The following NEDD9 variants were observed in gnomAD, a reference collection of about 807,000 sequenced individuals.
NEDD9 encodes the protein neural precursor cell expressed, developmentally down-regulated 9.
In NEDD9, 26 loss-of-function variants were observed where a neutral mutation model predicts 76.6. The ratio of observed to expected loss-of-function variants is 0.34; its 90% CI spans 0.25 to 0.47. The LOEUF (loss-of-function observed/expected upper bound fraction) is 0.47, where lower values mean the gene tolerates loss of function less well. Among genes scored for constraint, NEDD9 ranks in the 20% least tolerant of loss-of-function variants. NEDD9 has a pLI of 1.00. For synonymous variants in NEDD9, 392 were observed against 414.2 expected (o/e 0.95, Z 0.65); for missense variants, 937 against 1,058.5 (o/e 0.89, Z 1.59).
At chr6:11,313,174 T>A (rs892372802) in intron 2 of NEDD9, among the ~76,000 whole-genome samples, 1 of 151,980 alleles carries the variant, frequency 6.6e-6, no homozygotes, top group East Asian at 1.9e-4. Flanking sequence ...GGTAGATAGA[T>A]GAATATCTAG....
At position 11,268,994 on chromosome 6, in the gene NEDD9, C is replaced by T. The variant is rs141452545; in HGVS notation, c.12+36998G>A. Among the ~76,000 whole-genome samples, 5 of 152,240 alleles carry T rather than the reference C, an allele frequency of 3.3e-5. No homozygotes were observed. The South Asian group carries it at 6.2e-4, about 19-fold the overall frequency. On this transcript the variant is annotated intron_variant, in intron 3 of 3. Transcript: ENST00000397378. ...GTCAAGTATCTGAAATTTCTTATTA[C>T]GTAAAAGTGCTATTTTCCTCTCGTC... is the stretch of plus-strand genomic sequence containing the variant.
rs1018151323 is a variant in NEDD9 at position 11,324,453 on chromosome 6, C to G, written c.-153+10048G>C. 1.1e-4 allele frequency among the ~76,000 whole-genome samples: 17 copies of G among 152,300 alleles called. No homozygotes were observed. The South Asian group carries it at 2.9e-3, about 26-fold the overall frequency. ...CATTTTCATGCATGGTGCCACCCCA[C>G]GTGCAGGGCCAGCTTCATGGCACGT... On this transcript the variant is annotated intron_variant, in intron 2 of 3. Transcript: ENST00000397378.
At chr6:11,305,073 C>A in intron 3 of NEDD9, 1 of 1,284,680 alleles carries the variant, frequency 7.8e-7, no homozygotes, top group Non-Finnish European at 1.0e-6. Context: ...TACCTTGGAA[C>A]GTTTGCCCAG....
In NEDD9 at chr6:11,276,063, G is replaced by A. The variant is rs544696264; in HGVS notation, c.12+29929C>T. On this transcript the variant is annotated intron_variant, in intron 3 of 3. Transcript: ENST00000397378. ...TGATGGATCAATCTATAGTAAATTT[G>A]TGGAGATGTCATAAATTCAAAATTT... 2.0e-5 allele frequency among the ~76,000 whole-genome samples: 3 copies of A among 152,298 alleles called. No individual in the cohort carries two copies. The East Asian group carries it at 5.8e-4, about 29-fold the overall frequency.
chr6:11,380,617 G>A (rs538554444), intron 1 of NEDD9, among the ~76,000 whole-genome samples: 2 of 152,100 alleles, frequency 1.3e-5, no homozygotes, highest in African/African-American at 4.8e-5. Context: ...TGACTACTTC[G>A]GATACCCCTT....
At chr6:11,306,196 G>GA in intron 2 of NEDD9, 1 of 655,062 alleles carries the variant, frequency 1.5e-6, no homozygotes, top group South Asian at 2.0e-5. Context: ...GGTAAGATCT[G>GA]AAAAAAATTG....
intron 1 of NEDD9, among the ~76,000 whole-genome samples, chr6:11,345,381 G>C (rs1762345331): frequency 6.6e-6 from 1 of 152,180 alleles, no homozygotes; most frequent in Admixed American, 6.5e-5. Context: ...AGGGTTTTGA[G>C]TTACTTGTAC....
chr6:11,362,412 T>G (rs886633595), intron 1 of NEDD9, among the ~76,000 whole-genome samples: 5 of 152,244 alleles, frequency 3.3e-5, no homozygotes, highest in African/African-American at 9.6e-5. Context: ...CTGTGTGTTC[T>G]GCCTCTTGCT....
chr6:11,184,484 G>A lies in NEDD9; in HGVS notation c.*678C>T, dbSNP rs1757927613. 6.6e-6 allele frequency: 1 copy of A among 152,170 alleles called. No individual in the cohort carries two copies. Among genetic ancestry groups the A allele is most frequent in the Admixed American group, 6.6e-5 (1 of 15,256 alleles). 9.4% of individuals were successfully genotyped at this position (152,170 alleles called of 1,614,324 possible). A position where few individuals can be genotyped will look rare whatever the true frequency, so the allele number is the denominator to read the frequency against. ...ACAACCCAATCCTAACTGTGGTCCT[G>A]GCCTCTAAACACACAGGTCTCTCTT... On this transcript the variant is annotated 3_prime_UTR_variant, in exon 7 of 7. Transcript: ENST00000379446.
At chr6:11,381,326 A>G (rs1029464072) in intron 1 of NEDD9, among the ~76,000 whole-genome samples, 18 of 152,164 alleles carry the variant, frequency 1.2e-4, no homozygotes, top group Non-Finnish European at 1.9e-4. Flanking sequence ...TTCTCAACAC[A>G]AGCAAAGGGA....
chr6:11,314,676 C>T (rs1761492974), intron 2 of NEDD9, among the ~76,000 whole-genome samples: 2 of 152,160 alleles, frequency 1.3e-5, no homozygotes, highest in Non-Finnish European at 1.5e-5. Context: ...TGATATCTGA[C>T]CCAGGTTTTC....
At chr6:11,283,061 C>G (rs1326075379) in intron 3 of NEDD9, among the ~76,000 whole-genome samples, 2 of 152,202 alleles carry the variant, frequency 1.3e-5, no homozygotes, top group Non-Finnish European at 2.9e-5. Context: ...ACCTTATGAC[C>G]TTGGCATTTG....
chr6:11,217,684 A>G (rs561605428), intron 1 of NEDD9, among the ~76,000 whole-genome samples: 4 of 152,374 alleles, frequency 2.6e-5, no homozygotes, highest in East Asian at 1.9e-4. Flanking sequence ...ACCTGGCAAG[A>G]AAGTCTTAGA....
intron 3 of NEDD9, among the ~76,000 whole-genome samples, chr6:11,244,247 C>T (rs1288910822): frequency 6.6e-6 from 1 of 152,030 alleles, no homozygotes; most frequent in Non-Finnish European, 1.5e-5. Flanking sequence ...CAATCTTTTA[C>T]TCTCTTTCTC....
intron 1 of NEDD9, among the ~76,000 whole-genome samples, chr6:11,231,515 C>G (rs1441778887): frequency 2.6e-5 from 4 of 152,154 alleles, no homozygotes; most frequent in African/African-American, 9.7e-5. Flanking sequence ...ATTGTCAATC[C>G]ACAAGCCTAG....
chr6:11,319,697 C>A (rs1346372422), intron 2 of NEDD9, among the ~76,000 whole-genome samples: 1 of 140,122 alleles, frequency 7.1e-6, no homozygotes, highest in Non-Finnish European at 1.6e-5. Context: ...GACACTCACA[C>A]AAACATGCAC....
At chr6:11,333,584 G>GT (rs1762092400) in intron 2 of NEDD9, among the ~76,000 whole-genome samples, 1 of 152,216 alleles carries the variant, frequency 6.6e-6, no homozygotes, top group Non-Finnish European at 1.5e-5. Flanking sequence ...CAAGCGGCAG[G>GT]TGCAGAGACC....
At chr6:11,288,380 A>G (rs1760694533) in intron 3 of NEDD9, among the ~76,000 whole-genome samples, 1 of 152,238 alleles carries the variant, frequency 6.6e-6, no homozygotes, top group Non-Finnish European at 1.5e-5. Context: ...TATACAACTG[A>G]CAAGTAGACC....
intron 1 of NEDD9, among the ~76,000 whole-genome samples, chr6:11,348,933 T>G (rs1389364302): frequency 3.9e-5 from 6 of 152,184 alleles, no homozygotes; most frequent in African/African-American, 1.4e-4. Context: ...TGGGATCTAA[T>G]TAAACTAATG....
Sources: gnomAD v4.1 joint callset for allele counts (sites outside exome capture counted in the v4.1 genomes callset) on GRCh38, gnomAD v4.1.1 for gene constraint, MANE v1.5 for transcripts, NCBI Gene and HGNC (gene_info 2026-07-23, HGNC 2026-07-21) for gene names.